The following DSCAM variants were observed in gnomAD, a reference collection of about 807,000 sequenced individuals.
DSCAM encodes DS cell adhesion molecule.
A neutral mutation model predicts 217.7 loss-of-function variants in DSCAM; 47 were observed. That is an observed-to-expected ratio of 0.22 (90% CI 0.17 to 0.28). DSCAM has a LOEUF of 0.28. DSCAM is among the 10% of genes least tolerant of loss of function. DSCAM has a pLI of 1.00. For missense variants in DSCAM, 2,080 were observed against 2,618.3 expected, an observed-to-expected ratio of 0.79 and a Z score of 4.49; for synonymous variants, 1,056 against 1,015.3, an observed-to-expected ratio of 1.04 and a Z score of -0.76.
Position 40,178,862 on chromosome 21 carries a change from A to T in DSCAM, c.2947+65T>A, listed in dbSNP as rs1214953806. On this transcript the variant is annotated intron_variant, in intron 15 of 32. Coordinates refer to ENST00000400454, the MANE Select transcript of DSCAM (RefSeq NM_001389.5). ...CAAAGGTCTGCTTCTGCATTTAAGC[A>T]TCTGAGCCCTCAAGAGTTAGCTCCC... The T allele has an allele frequency of 7.5e-6, 12 of 1,599,834 alleles. No homozygotes were observed. The South Asian group carries it at 1.3e-4, about 18-fold the overall frequency.
intron 1 of DSCAM, among the ~76,000 whole-genome samples, chr21:40,786,055 GGA>G (rs897260343): frequency 1.3e-5 from 2 of 152,140 alleles, no homozygotes; most frequent in Non-Finnish European, 2.9e-5. Context: ...TGACCAACAT[GGA>G]GAAACCCTGT....
chr21:40,706,930 A>G (rs952972738), intron 2 of DSCAM, among the ~76,000 whole-genome samples: 4 of 152,346 alleles, frequency 2.6e-5, no homozygotes, highest in South Asian at 2.1e-4. Flanking sequence ...TCAGATGTCA[A>G]GAACGCCAGC....
intron 19 of DSCAM, among the ~76,000 whole-genome samples, chr21:40,130,162 A>C (rs1248151276): frequency 6.6e-6 from 1 of 152,210 alleles, no homozygotes; most frequent in African/African-American, 2.4e-5. Context: ...TTGCCTTCAG[A>C]GTGAAAACAG....
At chr21:40,730,389 TA>T (rs1440510993) in intron 1 of DSCAM, among the ~76,000 whole-genome samples, 1 of 152,166 alleles carries the variant, frequency 6.6e-6, no homozygotes. Flanking sequence ...CTTCTCAAAA[TA>T]AAATTGAGTT....
intron 11 of DSCAM, among the ~76,000 whole-genome samples, chr21:40,232,514 A>G (rs143087637): frequency 1.7e-3 from 258 of 152,296 alleles, no homozygotes; most frequent in African/African-American, 5.9e-3. Context: ...ACCTCAGTCC[A>G]CTAGGAAAAT....
rs115262029 is a variant in DSCAM at position 40,226,073 on chromosome 21, A to G, written c.2357-36835T>C. Among the ~76,000 whole-genome samples, 510 of 152,318 alleles carry G rather than the reference A, an allele frequency of 3.3e-3. 1 individual carries two copies. The highest frequency in any genetic ancestry group is 0.011 in the African/African-American group (472 of 41,560). The stretch of plus-strand genomic sequence containing the variant: ...TGCACGTCCACTTATCTATCCAATG[A>G]GATGTGTTCTCTTATGATCCCTGTT... On this transcript the variant is annotated intron_variant, in intron 11 of 32. Coordinates refer to ENST00000400454, the MANE Select transcript of DSCAM (RefSeq NM_001389.5).
chr21:40,573,188 AT>A (rs1377353202), intron 3 of DSCAM, among the ~76,000 whole-genome samples: 1 of 152,136 alleles, frequency 6.6e-6, no homozygotes, highest in East Asian at 1.9e-4. Context: ...ATACAAAAAA[AT>A]TAGCCGGGCG....
Position 40,683,216 on chromosome 21 carries a change from T to C in DSCAM, c.508+9594A>G, listed in dbSNP as rs150089944. On this transcript the variant is annotated intron_variant, in intron 3 of 32. Transcript: ENST00000400454. ...CAAATACAGGAACCAACAGAGGAAGTAGGTCAACTGTGTACATCTAACAGG... is the reference window on the plus strand; with the variant it reads ...CAAATACAGGAACCAACAGAGGAAGCAGGTCAACTGTGTACATCTAACAGG... Among the ~76,000 whole-genome samples the C allele has an allele frequency of 3.2e-4, 48 of 152,280 alleles. No homozygotes were observed. In the East Asian group the frequency reaches 8.5e-3, roughly 27 times the overall value.
chr21:40,097,439 A>C (rs908303167), intron 20 of DSCAM, among the ~76,000 whole-genome samples: 3 of 152,220 alleles, frequency 2.0e-5, no homozygotes, highest in Admixed American at 6.5e-5. Flanking sequence ...GGAATTACAA[A>C]AAAAACCCCA....
chr21:40,042,490 T>C lies in DSCAM; in HGVS notation c.5567A>G (p.Asp1856Gly). The change falls in exon 32 of 33, where the codon GAC (aspartate) becomes GGC (glycine). Residue 1856 changes from aspartate (D) to glycine (G), a missense_variant. By Grantham distance (94) the Asp-to-Gly change is moderately conservative (BLOSUM62 -1). Coordinates refer to ENST00000400454, the MANE Select transcript of DSCAM (RefSeq NM_001389.5). ...QLTAGTNEYT[D>G]SLTSSTPSES... Reference sequence around the variant, plus strand: ...GGAAGGGGTGCTGGAGGTCAGACTGTCCGTGTACTCATTTGTCCCTGCCGT... The same window carrying C: ...GGAAGGGGTGCTGGAGGTCAGACTGCCCGTGTACTCATTTGTCCCTGCCGT... The C allele has an allele frequency of 6.2e-7, 1 of 1,614,202 alleles. No homozygotes were observed. Among genetic ancestry groups the C allele is most frequent in the Non-Finnish European group, 8.5e-7 (1 of 1,180,028 alleles).
chr21:40,650,208 C>T (rs1045477190), intron 3 of DSCAM, among the ~76,000 whole-genome samples: 3 of 152,182 alleles, frequency 2.0e-5, no homozygotes, highest in African/African-American at 7.2e-5. Flanking sequence ...TTTATTTCAT[C>T]CAAGCATCTC....
intron 16 of DSCAM, among the ~76,000 whole-genome samples, chr21:40,162,256 G>T (rs543475823): frequency 6.6e-6 from 1 of 152,224 alleles, no homozygotes; most frequent in South Asian, 2.1e-4. Flanking sequence ...CACAAAACTG[G>T]GTGTTCCCAG....
intron 30 of DSCAM, among the ~76,000 whole-genome samples, chr21:40,049,810 G>C (rs58971215): frequency 0.016 from 2,382 of 152,290 alleles, 61 homozygotes; most frequent in African/African-American, 0.054. Flanking sequence ...TCCGGTTCAT[G>C]TCTCTGTTGA....
intron 3 of DSCAM, among the ~76,000 whole-genome samples, chr21:40,538,433 GTGAAA>G (rs2076517062): frequency 6.6e-6 from 1 of 152,116 alleles, no homozygotes; most frequent in Non-Finnish European, 1.5e-5. Flanking sequence ...TCACAAAGCT[GTGAAA>G]TGTCCAAGTT....
chr21:40,173,556 G>C (rs1037590637), intron 15 of DSCAM, among the ~76,000 whole-genome samples: 1 of 152,132 alleles, frequency 6.6e-6, no homozygotes, highest in South Asian at 2.1e-4. Flanking sequence ...GGCTCTTCTC[G>C]CTGAGTGAAT....
At chr21:40,395,740 A>C (rs559766133) in intron 3 of DSCAM, among the ~76,000 whole-genome samples, 1 of 152,336 alleles carries the variant, frequency 6.6e-6, no homozygotes, top group East Asian at 1.9e-4. Flanking sequence ...AAGTCTATTA[A>C]AGATTTTTTA....
chr21:40,830,385 C>T (rs951402233), intron 1 of DSCAM, among the ~76,000 whole-genome samples: 12 of 152,170 alleles, frequency 7.9e-5, no homozygotes, highest in South Asian at 4.1e-4. Flanking sequence ...GGCGCCAAGC[C>T]GTGATCCAAA....
intron 1 of DSCAM, among the ~76,000 whole-genome samples, chr21:40,771,323 G>C (rs556141404): frequency 6.6e-6 from 1 of 152,316 alleles, no homozygotes. Context: ...TCATAACGCA[G>C]TTCTGAGCTG....
chr21:40,574,180 T>A (rs1047606819), intron 3 of DSCAM, among the ~76,000 whole-genome samples: 4 of 151,784 alleles, frequency 2.6e-5, no homozygotes, highest in Admixed American at 2.6e-4. Context: ...CATTATAAGT[T>A]TAAGAAAAAA....
Sources: gnomAD v4.1 joint callset for allele counts (sites outside exome capture counted in the v4.1 genomes callset) on GRCh38, gnomAD v4.1.1 for gene constraint, MANE v1.5 for transcripts, NCBI Gene and HGNC (gene_info 2026-07-23, HGNC 2026-07-21) for gene names.